P2RX1: variants seen among roughly 807,000 people sequenced by gnomAD.
P2RX1 encodes the protein purinergic receptor P2X 1.
A neutral mutation model predicts 50.3 loss-of-function variants in P2RX1; 42 were observed. The observed-to-expected ratio is 0.83, with a 90% CI of 0.65 to 1.08. P2RX1 has a LOEUF of 1.08. Among genes scored for constraint, P2RX1 ranks in the 50% least tolerant of loss-of-function variants. The probability of loss-of-function intolerance (pLI) is 0.00; values close to 1 mark genes in which losing one functional copy is unlikely to be tolerated. For missense variants in P2RX1, 449 were observed against 529.0 expected, an observed-to-expected ratio of 0.85 and a Z score of 1.48; for synonymous variants, 199 against 202.6, an observed-to-expected ratio of 0.98 and a Z score of 0.15.
At chr17:3,901,171 G>C (rs77784899) in intron 7 of P2RX1, among the ~76,000 whole-genome samples, 2 of 152,086 alleles carry the variant, frequency 1.3e-5, no homozygotes, top group African/African-American at 4.8e-5. Flanking sequence ...AGGTTCAAGC[G>C]ATTCTCCTGC....
intron 1 of P2RX1, among the ~76,000 whole-genome samples, chr17:3,913,861 G>GT (rs538003207): frequency 2.0e-3 from 71 of 34,720 alleles, no homozygotes; most frequent in African/African-American, 0.01. Flanking sequence ...GTGCACTCTT[G>GT]GGGGGGGTGG....
In P2RX1 at chr17:3,904,841, C is replaced by T. The variant is rs770806559; in HGVS notation, c.357+17G>A. 1.0e-5 allele frequency: 16 copies of T among 1,575,916 alleles called. No homozygotes were observed. Among genetic ancestry groups the T allele is most frequent in the Admixed American group, 9.3e-5 (5 of 53,764 alleles). ...CCTGTGAGTCCCAGAAGGGGGCTGG[C>T]GGGCAGAAGTCCTCACCTCTGCGCA... is the stretch of plus-strand genomic sequence containing the variant. On this transcript the variant is annotated intron_variant, in intron 3 of 11. Transcript: ENST00000225538.
At chr17:3,911,947 A>G (rs1187882651) in intron 1 of P2RX1, among the ~76,000 whole-genome samples, 6 of 152,208 alleles carry the variant, frequency 3.9e-5, no homozygotes, top group Non-Finnish European at 8.8e-5. Flanking sequence ...CCCGGCCAAT[A>G]AGAATTGAAC....
intron 1 of P2RX1, among the ~76,000 whole-genome samples, chr17:3,911,872 A>G (rs1445571578): frequency 6.6e-6 from 1 of 152,182 alleles, no homozygotes; most frequent in Admixed American, 6.5e-5. Flanking sequence ...GGCTCCTCCA[A>G]TCAGGGCATT....
At chr17:3,898,769 G>T (rs1481124456) in intron 9 of P2RX1, among the ~76,000 whole-genome samples, 165 bp downstream of exon 9, 1 of 152,160 alleles carries the variant, frequency 6.6e-6, no homozygotes, top group Non-Finnish European at 1.5e-5. Flanking sequence ...GCCACAGGTT[G>T]CAAAGCCCTG....
At position 3,901,354 on chromosome 17, in the gene P2RX1, A is replaced by G. The variant is rs1045733435; in HGVS notation, c.748-1593T>C. 1.4e-4 allele frequency among the ~76,000 whole-genome samples: 21 copies of G among 152,360 alleles called. No individual in the cohort carries two copies. The East Asian group carries it at 2.7e-3, about 20-fold the overall frequency. The stretch of plus-strand genomic sequence containing the variant: ...AGTGCTGGGATTACAGGCGTGAGCC[A>G]CCGCACCCAGCCCTGATGACAGGGA... On this transcript the variant is annotated intron_variant, in intron 7 of 11. Transcript: ENST00000225538.
chr17:3,898,576 G>A (rs1263279570), intron 9 of P2RX1, 27 bp from the exon 10 acceptor site: 4 of 1,589,826 alleles, frequency 2.5e-6, no homozygotes, highest in Non-Finnish European at 3.5e-6. Context: ...GGGAGAGAAG[G>A]GCTAACCGTC....
At chr17:3,901,234 A>ATTT (rs754274320) in intron 7 of P2RX1, among the ~76,000 whole-genome samples, 1 of 152,062 alleles carries the variant, frequency 6.6e-6, no homozygotes, top group Admixed American at 6.6e-5. Context: ...TGCCCGGCTA[A>ATTT]TTTTTTATAT....
chr17:3,904,886 G>A lies in P2RX1; in HGVS notation c.329C>T (p.Pro110Leu), dbSNP rs779316082. 24 of 1,598,508 alleles carry A rather than the reference G, an allele frequency of 1.5e-5. No individual in the cohort carries two copies. The highest frequency in any genetic ancestry group is 5.3e-5 in the Admixed American group (3 of 56,674). ...FVVMTNFIVT[P>L]KQTQGYCAEH... Reference sequence around the variant, plus strand: ...TGCGCAGTAGCCTTGAGTCTGCTTCGGGGTCACGATGAAATTGGTCATGAC... The same window carrying A: ...TGCGCAGTAGCCTTGAGTCTGCTTCAGGGTCACGATGAAATTGGTCATGAC... The change falls in exon 3 of 12, where the codon CCG (proline) becomes CTG (leucine). Residue 110 changes from proline (P) to leucine (L), a missense_variant. Transcript: ENST00000225538.
At chr17:3,906,320 A>G (rs867582412) in intron 1 of P2RX1, among the ~76,000 whole-genome samples, 2 of 152,088 alleles carry the variant, frequency 1.3e-5, no homozygotes. Context: ...TTTAGTAGAG[A>G]TGGGGTTTCA....
In P2RX1 at chr17:3,914,680, A is replaced by G. The variant is rs1430462577; in HGVS notation, c.137+1409T>C. On this transcript the variant is annotated intron_variant, in intron 1 of 11. Coordinates refer to ENST00000225538, the MANE Select transcript of P2RX1 (RefSeq NM_002558.4). This position sits in a 1 kb window ranked among gnomAD's most constrained non-coding sequence, Gnocchi z 4.1. ...TGGCATCCCACCATCAGTGCCCAGT[A>G]GAAAGGATCCACAGCCCCTTGTGAT... Among the ~76,000 whole-genome samples, 1 of 152,160 alleles carries G rather than the reference A, an allele frequency of 6.6e-6. No individual in the cohort carries two copies. Among genetic ancestry groups the G allele is most frequent in the Non-Finnish European group, 1.5e-5 (1 of 68,012 alleles).
rs113632724 is a variant in P2RX1 at position 3,904,227 on chromosome 17, G to A, written c.427+103C>T. ...AGTCCCTCCCGGAGGCCGCCTCGGC[G>A]GGAGGGGTGTGGAGAGAGGCAGGTC... On this transcript the variant is annotated intron_variant, in intron 4 of 11. Transcript: ENST00000225538. 231 of 1,233,180 alleles carry A rather than the reference G, an allele frequency of 1.9e-4. 3 individuals are homozygous for A. In the South Asian group the frequency reaches 2.1e-3, roughly 11 times the overall value. 76.4% of individuals were successfully genotyped at this position (1,233,180 alleles called of 1,614,324 possible). A position where few individuals can be genotyped will look rare whatever the true frequency, so the allele number is the denominator to read the frequency against.
In P2RX1 at chr17:3,899,684, C is replaced by T. The variant is rs1327319236; in HGVS notation, c.825G>A (p.Glu275=). The stretch of plus-strand genomic sequence containing the variant: ...TTTTCTCTTCGTACAGCCCATGGAA[C>T]TCATAGATGGGTCTGCAGTGCCGTA... ...WHVRHCRPIY[E]FHGLYEEKNL... The change falls in exon 8 of 12, where the codon GAG becomes GAA. Residue 275 remains glutamate, a synonymous_variant. Coordinates refer to ENST00000225538, the MANE Select transcript of P2RX1 (RefSeq NM_002558.4). The T allele has an allele frequency of 6.2e-7, 1 of 1,613,872 alleles. No homozygotes were observed. The highest frequency in any genetic ancestry group is 8.5e-7 in the Non-Finnish European group (1 of 1,179,922).
At chr17:3,897,916 AG>A in intron 11 of P2RX1, 37 bp from the exon 12 acceptor site, 1 of 1,612,898 alleles carries the variant, frequency 6.2e-7, no homozygotes. Context: ...GATACAAGTC[AG>A]TGCTGGGGAA....
intron 8 of P2RX1, 152 bp downstream of exon 8, chr17:3,899,482 T>G: frequency 1.0e-6 from 1 of 1,002,698 alleles, no homozygotes; most frequent in Non-Finnish European, 1.5e-6. Flanking sequence ...TTCTCCCTGC[T>G]GGCTTCCTGC....
At chr17:3,909,969 T>TC (rs2056334516) in intron 1 of P2RX1, among the ~76,000 whole-genome samples, 3 of 140,078 alleles carry the variant, frequency 2.1e-5, no homozygotes, top group Non-Finnish European at 4.7e-5. Context: ...CCTGATAAAT[T>TC]CTTTTTTTTT....
intron 1 of P2RX1, among the ~76,000 whole-genome samples, chr17:3,907,404 C>G (rs1249838243): frequency 6.6e-6 from 1 of 151,534 alleles, no homozygotes; most frequent in Admixed American, 6.6e-5. Context: ...TATCATCCCC[C>G]TCCACTCCTT....
chr17:3,898,150 G>A (rs370664708), intron 10 of P2RX1, 40 bp from the exon 11 acceptor site: 63 of 1,557,064 alleles, frequency 4.0e-5, no homozygotes, highest in African/African-American at 2.4e-4. Flanking sequence ...GTGGGAATCC[G>A]GGGGTGGGTA....
chr17:3,913,723 C>T (rs2056402347), intron 1 of P2RX1, among the ~76,000 whole-genome samples: 1 of 152,248 alleles, frequency 6.6e-6, no homozygotes, highest in East Asian at 1.9e-4. Flanking sequence ...CCCACCCAGG[C>T]TTTGCCCTGT....
Sources: gnomAD v4.1 joint callset for allele counts (sites outside exome capture counted in the v4.1 genomes callset) on GRCh38, gnomAD v4.1.1 for gene constraint, Gnocchi (gnomAD v3.1) non-coding constraint, MANE v1.5 for transcripts, NCBI Gene and HGNC (gene_info 2026-07-23, HGNC 2026-07-21) for gene names.